The following CPA6 variants were observed in gnomAD, a reference collection of about 807,000 sequenced individuals.
The protein encoded by CPA6 is carboxypeptidase A6.
Under a neutral mutation model 63.3 loss-of-function variants are expected in CPA6, and 58 were observed. That is an observed-to-expected ratio of 0.92 (90% CI 0.74 to 1.14). CPA6 has a LOEUF of 1.14. CPA6 is among the 50% of genes most tolerant of loss of function. The probability of loss-of-function intolerance (pLI) is 0.00; values close to 1 mark genes in which losing one functional copy is unlikely to be tolerated. For missense variants in CPA6, 565 were observed against 526.6 expected (o/e 1.07, Z -0.71); for synonymous variants, 185 against 179.0 (o/e 1.03, Z -0.27).
rs549618914 is a variant in CPA6, at chr8:67,731,246, A to G, written c.116+14768T>C. Among the ~76,000 whole-genome samples, 37 of 152,370 alleles carry G rather than the reference A, an allele frequency of 2.4e-4. No individual in the cohort carries two copies. The South Asian group carries it at 7.5e-3, about 31-fold the overall frequency. ...CAAGTTGCATTTGAAGGAAAAAAAC[A>G]AATTCTTTTTCACACACAAAAAAAG... On this transcript the variant is annotated intron_variant, in intron 1 of 10. Coordinates refer to ENST00000297770, the MANE Select transcript of CPA6 (RefSeq NM_020361.5).
chr8:67,638,963 C>T (rs532976093), intron 1 of CPA6, among the ~76,000 whole-genome samples: 6 of 151,598 alleles, frequency 4.0e-5, no homozygotes, highest in Admixed American at 1.3e-4. Flanking sequence ...AGGAATCTAT[C>T]TTAAAACCAG....
intron 1 of CPA6, among the ~76,000 whole-genome samples, chr8:67,744,695 C>T (rs1444972683): frequency 1.3e-5 from 2 of 152,172 alleles, no homozygotes; most frequent in Non-Finnish European, 2.9e-5. Flanking sequence ...AGTCTTTAAA[C>T]ATGAGCTTCT....
intron 2 of CPA6, among the ~76,000 whole-genome samples, chr8:67,540,668 G>A (rs780965973): frequency 6.6e-6 from 1 of 152,234 alleles, no homozygotes; most frequent in Non-Finnish European, 1.5e-5. Context: ...GCCCCTTACT[G>A]GGGCTGCAGC....
At chr8:67,602,885 G>C (rs938487019) in intron 2 of CPA6, among the ~76,000 whole-genome samples, 1 of 152,136 alleles carries the variant, frequency 6.6e-6, no homozygotes, top group African/African-American at 2.4e-5. Flanking sequence ...AATTAAATGA[G>C]CTAACATTTT....
intron 1 of CPA6, among the ~76,000 whole-genome samples, chr8:67,734,263 T>A (rs572006376): frequency 6.6e-6 from 1 of 150,600 alleles, no homozygotes; most frequent in Non-Finnish European, 1.5e-5. Context: ...TACAGGTGTG[T>A]GTGTGGGTGC....
At chr8:67,462,338 A>C (rs943584299) in intron 8 of CPA6, among the ~76,000 whole-genome samples, 21 of 152,220 alleles carry the variant, frequency 1.4e-4, no homozygotes, top group Non-Finnish European at 2.9e-4. Flanking sequence ...ATGTCAGTGC[A>C]TAAAATAGCA....
intron 6 of CPA6, among the ~76,000 whole-genome samples, chr8:67,498,071 C>T (rs1274082986): frequency 6.6e-6 from 1 of 152,184 alleles, no homozygotes; most frequent in Non-Finnish European, 1.5e-5. Context: ...TTTGCCCATT[C>T]TCAGGTTTAA....
rs190014765 is a variant in CPA6, at chr8:67,691,399, T to C, written c.116+54615A>G. Among the ~76,000 whole-genome samples, 297 of 152,292 alleles carry C rather than the reference T, an allele frequency of 2.0e-3. 3 individuals are homozygous for C. The highest frequency in any genetic ancestry group is 0.011 in the South Asian group (55 of 4,830). On this transcript the variant is annotated intron_variant, in intron 1 of 10. Transcript: ENST00000297770. ...TTGTCACTGGCACGTGGCTGGAAAG[T>C]GATTTATGTATCTTTCAGGCCTGTC...
intron 10 of CPA6, among the ~76,000 whole-genome samples, chr8:67,423,058 T>C (rs1051979070): frequency 3.3e-5 from 5 of 152,202 alleles, no homozygotes; most frequent in Non-Finnish European, 7.3e-5. Context: ...CACTTCAGTG[T>C]CTAGAATATT....
intron 2 of CPA6, among the ~76,000 whole-genome samples, chr8:67,532,179 A>G (rs1046589843): frequency 6.6e-6 from 1 of 152,154 alleles, no homozygotes; most frequent in African/African-American, 2.4e-5. Flanking sequence ...GAAATAGAAA[A>G]TAAAAGTGTT....
At chr8:67,671,263 C>T (rs1468573412) in intron 1 of CPA6, among the ~76,000 whole-genome samples, 1 of 152,186 alleles carries the variant, frequency 6.6e-6, no homozygotes, top group African/African-American at 2.4e-5. Flanking sequence ...AAATCTGCTG[C>T]CACATTTGTC....
intron 2 of CPA6, among the ~76,000 whole-genome samples, chr8:67,578,858 T>C (rs1004439971): frequency 1.1e-4 from 16 of 152,254 alleles, no homozygotes; most frequent in Non-Finnish European, 1.5e-5. Flanking sequence ...CACCTTTCCT[T>C]GCTCTTTGAT....
chr8:67,503,447 C>A (rs1360155137), intron 6 of CPA6, among the ~76,000 whole-genome samples: 3 of 151,358 alleles, frequency 2.0e-5, no homozygotes, highest in Non-Finnish European at 4.4e-5. Flanking sequence ...CAGGCATGCA[C>A]CACTATGCCC....
At chr8:67,497,467 T>C (rs1563976560) in intron 6 of CPA6, among the ~76,000 whole-genome samples, 1 of 152,322 alleles carries the variant, frequency 6.6e-6, no homozygotes, top group Non-Finnish European at 1.5e-5. Flanking sequence ...CCCTGTTGTA[T>C]GGTTATACCA....
At chr8:67,626,242 C>A (rs1815191520) in intron 1 of CPA6, among the ~76,000 whole-genome samples, 1 of 152,062 alleles carries the variant, frequency 6.6e-6, no homozygotes, top group Non-Finnish European at 1.5e-5. Context: ...TAGCAGTTTC[C>A]AAGATGAAGT....
intron 1 of CPA6, among the ~76,000 whole-genome samples, chr8:67,737,525 AC>A (rs1339251186): frequency 6.6e-6 from 1 of 151,810 alleles, no homozygotes; most frequent in Non-Finnish European, 1.5e-5. Context: ...GGGTTAGGTG[AC>A]CCTCTCCTGC....
chr8:67,595,834 C>T (rs1460004041), intron 2 of CPA6, among the ~76,000 whole-genome samples: 1 of 152,224 alleles, frequency 6.6e-6, no homozygotes, highest in African/African-American at 2.4e-5. Context: ...CCTTGCACTT[C>T]CCGAGTGAGG....
intron 1 of CPA6, among the ~76,000 whole-genome samples, chr8:67,671,161 G>A (rs62511387): frequency 0.035 from 5,380 of 152,290 alleles, 123 homozygotes; most frequent in Non-Finnish European, 0.047. Context: ...CTGTCACGTC[G>A]TCAGCCTTGA....
At chr8:67,431,636 A>C (rs1330083647) in intron 9 of CPA6, among the ~76,000 whole-genome samples, 1 of 152,208 alleles carries the variant, frequency 6.6e-6, no homozygotes, top group Non-Finnish European at 1.5e-5. Context: ...CTAAAGGAAT[A>C]CTGTGATACA....
Sources: gnomAD v4.1 joint callset for allele counts (sites outside exome capture counted in the v4.1 genomes callset) on GRCh38, gnomAD v4.1.1 for gene constraint, MANE v1.5 for transcripts, NCBI Gene and HGNC (gene_info 2026-07-23, HGNC 2026-07-21) for gene names.